GULP1: variants seen among roughly 807,000 people sequenced by gnomAD.
GULP1 encodes the protein GULP PTB domain containing engulfment adaptor 1.
In GULP1, 19 loss-of-function variants were observed where a neutral mutation model predicts 40.9. The ratio of observed to expected loss-of-function variants is 0.46; its 90% CI spans 0.32 to 0.68. The LOEUF (loss-of-function observed/expected upper bound fraction) is 0.68, where lower values mean the gene tolerates loss of function less well. GULP1 is among the 30% of genes least tolerant of loss of function. GULP1 has a pLI of 0.03. For synonymous variants in GULP1, 119 were observed against 117.6 expected (o/e 1.01, Z -0.08); for missense variants, 312 against 362.2 (o/e 0.86, Z 1.12).
intron 2 of GULP1, among the ~76,000 whole-genome samples, chr2:188,454,957 G>A (rs1458797880): frequency 1.3e-5 from 2 of 151,890 alleles, no homozygotes; most frequent in Non-Finnish European, 2.9e-5. Flanking sequence ...ACCCCCATCT[G>A]TACAAAAATA....
chr2:188,509,077 GGATCT>G (rs1279493079), intron 4 of GULP1, among the ~76,000 whole-genome samples: 1 of 151,942 alleles, frequency 6.6e-6, no homozygotes, highest in African/African-American at 2.4e-5. Context: ...ACGTCCACAG[GGATCT>G]TTAACTTTTC....
At chr2:188,484,464 A>G (rs958447213) in intron 4 of GULP1, among the ~76,000 whole-genome samples, 7 of 152,168 alleles carry the variant, frequency 4.6e-5, no homozygotes, top group African/African-American at 1.7e-4. Flanking sequence ...GTCAGAAATG[A>G]GTTAAAGAGG....
chr2:188,417,201 T>G (rs2054699381), intron 2 of GULP1, among the ~76,000 whole-genome samples: 1 of 152,216 alleles, frequency 6.6e-6, no homozygotes, highest in Non-Finnish European at 1.5e-5. Flanking sequence ...TTTCCCATTC[T>G]CTCTTAGGAC....
At chr2:188,549,103 T>C (rs552740978) in intron 7 of GULP1, among the ~76,000 whole-genome samples, 12 of 151,994 alleles carry the variant, frequency 7.9e-5, no homozygotes, top group South Asian at 2.1e-4. Context: ...GAAAATGATA[T>C]ACTGAACTTT....
intron 8 of GULP1, 71 bp from the exon 9 acceptor site, chr2:188,569,957 C>T (rs1698673990): frequency 1.6e-6 from 1 of 643,666 alleles, no homozygotes; most frequent in East Asian, 2.9e-5. Context: ...TAAATTCCTA[C>T]TCATAACTGT....
intron 1 of GULP1, among the ~76,000 whole-genome samples, chr2:188,300,329 T>C (rs1320146185): frequency 2.0e-5 from 3 of 152,206 alleles, no homozygotes; most frequent in Non-Finnish European, 4.4e-5. Context: ...AGTAAGTAAC[T>C]GTGCCAGTAT....
At chr2:188,537,102 T>C (rs552001307) in intron 6 of GULP1, among the ~76,000 whole-genome samples, 1 of 152,244 alleles carries the variant, frequency 6.6e-6, no homozygotes, top group East Asian at 1.9e-4. Flanking sequence ...CTTTAGGATC[T>C]TCTAGGTAGA....
chr2:188,522,061 GTGAGACTCCGT>G (rs1266459167), intron 4 of GULP1, among the ~76,000 whole-genome samples: 2 of 152,180 alleles, frequency 1.3e-5, no homozygotes, highest in Non-Finnish European at 2.9e-5. Flanking sequence ...GGGCGAAAGA[GTGAGACTCCGT>G]CTCAAAAACA....
intron 3 of GULP1, among the ~76,000 whole-genome samples, chr2:188,480,489 A>C (rs1406669738): frequency 6.6e-6 from 1 of 151,950 alleles, no homozygotes; most frequent in Non-Finnish European, 1.5e-5. Context: ...CAAATTAGTA[A>C]GTTTGTATTT....
At position 188,584,380 on chromosome 2, in the gene GULP1, T is replaced by C; in HGVS notation, c.725T>C (p.Val242Ala). The change falls in exon 10 of 12, where the codon GTA becomes GCA. Residue 242 changes from valine (V) to alanine (A), a missense_variant. Coordinates refer to ENST00000409830, the MANE Select transcript of GULP1 (RefSeq NM_016315.4). ...PTRNGTQPPP[V>A]PSRSTEIKRD... ...CGCAATGGCACACAGCCACCTCCAGTACCTAGTAGATCTACTGAGATTAGT... is the reference window on the plus strand; with the variant it reads ...CGCAATGGCACACAGCCACCTCCAGCACCTAGTAGATCTACTGAGATTAGT... 2 of 1,602,538 alleles carry C rather than the reference T, an allele frequency of 1.2e-6. No individual in the cohort carries two copies.
chr2:188,391,442 T>C (rs539703036), intron 2 of GULP1, among the ~76,000 whole-genome samples: 19 of 152,234 alleles, frequency 1.2e-4, no homozygotes, highest in African/African-American at 4.6e-4. Context: ...GTGCTACTGA[T>C]TTGTGTAAAC....
At chr2:188,379,513 T>C (rs2048736916) in intron 1 of GULP1, among the ~76,000 whole-genome samples, 1 of 152,196 alleles carries the variant, frequency 6.6e-6, no homozygotes, top group South Asian at 2.1e-4. Flanking sequence ...ATCTAACAAA[T>C]ATACACACAT....
At chr2:188,419,823 A>C (rs974081473) in intron 2 of GULP1, among the ~76,000 whole-genome samples, 11 of 152,146 alleles carry the variant, frequency 7.2e-5, no homozygotes, top group Non-Finnish European at 1.2e-4. Flanking sequence ...TAGGAGTTTA[A>C]CAATTTTGAG....
intron 2 of GULP1, among the ~76,000 whole-genome samples, chr2:188,420,024 G>A (rs753523835): frequency 1.6e-4 from 24 of 152,212 alleles, no homozygotes; most frequent in Non-Finnish European, 3.2e-4. Context: ...GCTTATTTCT[G>A]GGTTCTGTGT....
intron 1 of GULP1, among the ~76,000 whole-genome samples, chr2:188,322,437 G>A (rs1331326226): frequency 6.6e-6 from 1 of 152,052 alleles, no homozygotes; most frequent in Non-Finnish European, 1.5e-5. Context: ...AAAAGAGAAA[G>A]TTAAAGCTGA....
intron 7 of GULP1, among the ~76,000 whole-genome samples, chr2:188,561,562 A>G (rs1696279240): frequency 6.6e-6 from 1 of 152,128 alleles, no homozygotes; most frequent in Non-Finnish European, 1.5e-5. Flanking sequence ...GGTAATCCAC[A>G]TGATCCTGGG....
At chr2:188,548,402 T>C (rs1322143642) in intron 7 of GULP1, among the ~76,000 whole-genome samples, 1 of 152,064 alleles carries the variant, frequency 6.6e-6, no homozygotes, top group Non-Finnish European at 1.5e-5. Flanking sequence ...AACTAAGAAG[T>C]GAAATTTGTA....
chr2:188,507,708 G>T lies in GULP1; in HGVS notation c.91-15048G>T, dbSNP rs1043712443. ...GCTTCAACTGAAATTACGTTAAGTGGTTTACTCTAATCTTCAGACATATTA... is the reference window on the plus strand; with the variant it reads ...GCTTCAACTGAAATTACGTTAAGTGTTTTACTCTAATCTTCAGACATATTA... On this transcript the variant is annotated intron_variant, in intron 4 of 11. Transcript: ENST00000409830. Among the ~76,000 whole-genome samples the T allele has an allele frequency of 2.0e-5, 3 of 151,796 alleles. 1 individual carries two copies. Among genetic ancestry groups the T allele is most frequent in the Non-Finnish European group, 4.4e-5 (3 of 67,908 alleles).
At chr2:188,492,763 C>T (rs187079164) in intron 4 of GULP1, among the ~76,000 whole-genome samples, 12 of 152,094 alleles carry the variant, frequency 7.9e-5, no homozygotes, top group Admixed American at 2.0e-4. Flanking sequence ...ATATCTATCT[C>T]TTTGCCAAAA....
Sources: allele counts gnomAD v4.1 joint callset (sites outside exome capture counted in the v4.1 genomes callset), GRCh38; gene constraint gnomAD v4.1.1; transcripts MANE v1.5; gene names NCBI Gene and HGNC (gene_info 2026-07-23, HGNC 2026-07-21).